Variants in NOL4 observed in about 807,000 individuals in gnomAD.
NOL4 encodes cancer/testis antigen 125.
Under a neutral mutation model 75.9 loss-of-function variants are expected in NOL4, and 17 were observed. The ratio of observed to expected loss-of-function variants is 0.22; its 90% CI spans 0.15 to 0.34. NOL4 has a LOEUF of 0.34. Ranked by LOEUF, NOL4 falls within the 10% of genes least tolerant of loss-of-function variation. The pLI, the probability that NOL4 is intolerant of heterozygous loss-of-function variation, is 1.00. For missense variants in NOL4, 614 were observed against 793.5 expected, an observed-to-expected ratio of 0.77 and a Z score of 2.72; for synonymous variants, 292 against 289.9, an observed-to-expected ratio of 1.01 and a Z score of -0.07.
rs143689263 is a variant in NOL4 at position 33,883,261 on chromosome 18, T to C, written c.1706A>G (p.Asn569Ser). The change falls in exon 10 of 11, where the codon AAT becomes AGT. Residue 569 changes from asparagine (N) to serine (S), a missense_variant. This residue lies in a region of NOL4 where 128 missense variants were observed against 159.9 expected (regional missense o/e 0.80). Transcript: ENST00000261592. ...ATACTCACCACTGCTGGAAGCATCA[T>C]TCAGATTTAGCAGACCCCCTCCTAG... ...RGLGGGLLNL[N>S]DASSSGPTDL... The C allele has an allele frequency of 6.3e-7, 1 of 1,595,198 alleles. No homozygotes were observed. The highest frequency in any genetic ancestry group is 8.5e-7 in the Non-Finnish European group (1 of 1,173,936).
rs1258689206 is a variant in NOL4 at position 33,851,371 on chromosome 18, C to T, written c.*1471G>A. The T allele has an allele frequency of 6.6e-6, 1 of 152,280 alleles. No individual in the cohort carries two copies. The highest frequency in any genetic ancestry group is 1.5e-5 in the Non-Finnish European group (1 of 67,972). The allele number at this position is 152,280 out of a possible 1,614,324, so 9.4% of individuals were successfully genotyped here. ...GAAACACTAGAAGAAAAAAGCATAG[C>T]AATGTCCACAGTTACAAGAAAAAGT... On this transcript the variant is annotated 3_prime_UTR_variant, in exon 11 of 11. Coordinates refer to ENST00000261592, the MANE Select transcript of NOL4 (RefSeq NM_003787.5).
intron 5 of NOL4, among the ~76,000 whole-genome samples, chr18:34,043,977 C>T (rs2144844423): frequency 6.6e-6 from 1 of 152,146 alleles, no homozygotes; most frequent in East Asian, 1.9e-4. Flanking sequence ...AGAGTTCCAT[C>T]CATATCTATC....
rs1441160356 is a variant in NOL4 at position 34,217,813 on chromosome 18, A to G, written c.264+5177T>C. On this transcript the variant is annotated intron_variant, in intron 1 of 10. Transcript: ENST00000261592. The stretch of plus-strand genomic sequence containing the variant: ...ATGCATATATAGTATATGTTAGTAT[A>G]TATTATATACACTACTAACTATGCA... Among the ~76,000 whole-genome samples, 4 of 151,992 alleles carry G rather than the reference A, an allele frequency of 2.6e-5. No individual in the cohort carries two copies. In the East Asian group the frequency reaches 7.7e-4, roughly 29 times the overall value.
At chr18:33,994,600 G>C (rs1249587496) in intron 6 of NOL4, among the ~76,000 whole-genome samples, 5 of 151,554 alleles carry the variant, frequency 3.3e-5, no homozygotes, top group African/African-American at 1.2e-4. Context: ...AAATGAAAAT[G>C]ATGACACAAC....
intron 9 of NOL4, among the ~76,000 whole-genome samples, chr18:33,916,091 A>G (rs2066705133): frequency 6.6e-6 from 1 of 152,156 alleles, no homozygotes; most frequent in Admixed American, 6.6e-5. Flanking sequence ...AGGATGCAGT[A>G]GAGCAAGTTT....
intron 1 of NOL4, among the ~76,000 whole-genome samples, chr18:34,200,669 C>A (rs2035670280): frequency 6.6e-6 from 1 of 151,590 alleles, no homozygotes; most frequent in African/African-American, 2.4e-5. Context: ...CATACAATAT[C>A]TCTCAATCAA....
chr18:34,222,224 G>A, intron 1 of NOL4: 9 of 1,409,916 alleles, frequency 6.4e-6, no homozygotes, highest in East Asian at 2.8e-5. Flanking sequence ...TGAGACTAGA[G>A]CCACCCCAGA....
At chr18:34,221,318 GA>G (rs2037284192) in intron 1 of NOL4, 1 of 152,098 alleles carries the variant, frequency 6.6e-6, no homozygotes, top group Non-Finnish European at 1.5e-5. Context: ...TTGTCCAAAG[GA>G]AAATGCATGT....
intron 9 of NOL4, among the ~76,000 whole-genome samples, chr18:33,905,017 A>G (rs1295195586): frequency 1.3e-5 from 2 of 152,212 alleles, no homozygotes; most frequent in African/African-American, 4.8e-5. Flanking sequence ...AACTTGGAAT[A>G]AGGCATTGCC....
intron 6 of NOL4, among the ~76,000 whole-genome samples, chr18:34,000,610 A>G (rs1267534991): frequency 6.6e-6 from 1 of 152,122 alleles, no homozygotes; most frequent in African/African-American, 2.4e-5. Flanking sequence ...CTGTAATTGG[A>G]TCAAGATCTC....
intron 5 of NOL4, among the ~76,000 whole-genome samples, chr18:34,022,964 A>C (rs955272276): frequency 2.0e-5 from 3 of 152,134 alleles, no homozygotes; most frequent in Non-Finnish European, 4.4e-5. Flanking sequence ...TATCAATAAA[A>C]AGTATAAACA....
intron 9 of NOL4, among the ~76,000 whole-genome samples, chr18:33,896,410 A>T (rs2065411474): frequency 6.6e-6 from 1 of 152,194 alleles, no homozygotes; most frequent in African/African-American, 2.4e-5. Context: ...TAACCAAATC[A>T]TGATACAGGT....
In NOL4 at chr18:33,951,016, C is replaced by T. The variant is rs72957323; in HGVS notation, c.1428+6310G>A. On this transcript the variant is annotated intron_variant, in intron 8 of 10. Transcript: ENST00000261592. ...TCCATTTTTCTTTTCCAGGGTGAGA[C>T]CAAAGCTCAGAGATAGAAAATCAAC... 4.9e-3 allele frequency among the ~76,000 whole-genome samples: 749 copies of T among 152,168 alleles called. 2 individuals carry two copies. Among genetic ancestry groups the T allele is most frequent in the Non-Finnish European group, 7.7e-3 (526 of 67,982 alleles).
At chr18:33,898,464 T>A (rs182637507) in intron 9 of NOL4, among the ~76,000 whole-genome samples, 9 of 152,174 alleles carry the variant, frequency 5.9e-5, no homozygotes, top group Non-Finnish European at 1.3e-4. Context: ...ACATAGCCCT[T>A]GAAAAATTTT....
intron 6 of NOL4, among the ~76,000 whole-genome samples, chr18:33,971,052 G>C (rs1286395046): frequency 6.6e-6 from 1 of 152,142 alleles, no homozygotes; most frequent in Non-Finnish European, 1.5e-5. Flanking sequence ...GTGTCGGTGA[G>C]ATACAAATCC....
intron 5 of NOL4, chr18:34,023,421 G>A (rs1450746470): frequency 4.4e-6 from 2 of 456,042 alleles, no homozygotes; most frequent in Admixed American, 4.7e-5. Flanking sequence ...CACTTTAAAG[G>A]GGTAATCTGC....
intron 9 of NOL4, among the ~76,000 whole-genome samples, chr18:33,893,752 T>C (rs908632270): frequency 7.9e-5 from 12 of 152,272 alleles, no homozygotes; most frequent in Middle Eastern, 3.4e-3. Context: ...GATATTTTTA[T>C]AGCACTTTGA....
At chr18:33,930,480 C>G (rs1211878107) in intron 9 of NOL4, among the ~76,000 whole-genome samples, 8 of 152,026 alleles carry the variant, frequency 5.3e-5, no homozygotes, top group Admixed American at 5.2e-4. Flanking sequence ...TAGCTATTTC[C>G]TACATAGGGA....
At chr18:34,004,709 T>C (rs2073935610) in intron 6 of NOL4, among the ~76,000 whole-genome samples, 2 of 152,064 alleles carry the variant, frequency 1.3e-5, no homozygotes, top group South Asian at 4.1e-4. Flanking sequence ...TTAAAATTGC[T>C]TCTATTCATT....
Sources: allele counts gnomAD v4.1 joint callset (sites outside exome capture counted in the v4.1 genomes callset), GRCh38; gene constraint gnomAD v4.1.1; regional missense constraint gnomAD v4.1.1; transcripts MANE v1.5; gene names NCBI Gene and HGNC (gene_info 2026-07-23, HGNC 2026-07-21).